Variants in CCKBR observed in about 807,000 individuals in gnomAD.
CCKBR encodes cholecystokinin B receptor, also known as gastrin/cholecystokinin type B receptor.
Under a neutral mutation model 34.6 loss-of-function variants are expected in CCKBR, and 33 were observed. The observed-to-expected ratio is 0.95, with a 90% CI of 0.72 to 1.27. CCKBR has a LOEUF of 1.27. Among genes scored for constraint, CCKBR ranks in the 50% most tolerant of loss-of-function variants. The pLI is 0.00. For synonymous variants in CCKBR, 269 were observed against 267.5 expected (o/e 1.01, Z -0.06); for missense variants, 652 against 617.4 (o/e 1.06, Z -0.59).
chr11:6,271,452 G>T lies in CCKBR; in HGVS notation c.1253G>T (p.Arg418Met). 6.2e-7 allele frequency: 1 copy of T among 1,613,346 alleles called. No individual in the cohort carries two copies. ...CCCCGGCCTCCACGAGCTCGCCCCA[G>T]GGCTCTTCCCGATGAGGACCCTCCC... Reference protein sequence around the residue: ...CCPRPPRARPRALPDEDPPTP... With the variant: ...CCPRPPRARPMALPDEDPPTP... Residue 418 changes from arginine to methionine, a missense_variant, in exon 5 of 5, where the codon AGG becomes ATG. Coordinates refer to ENST00000334619, the MANE Select transcript of CCKBR (RefSeq NM_176875.4).
In CCKBR at chr11:6,271,001, T is replaced by G. The variant is rs767915510; in HGVS notation, c.812-10T>G. The G allele has an allele frequency of 3.1e-6, 5 of 1,613,900 alleles. No individual in the cohort carries two copies. The South Asian group carries it at 5.5e-5, about 18-fold the overall frequency. On this transcript the variant is annotated splice_polypyrimidine_tract_variant and intron_variant, in intron 4 of 4. Transcript: ENST00000334619. Reference sequence around the variant, plus strand: ...GCCTTTTTCTCTGACCGCCCACCCTTTGTGCTCAGGGGCTGTTCACCAGAA... The same window carrying G: ...GCCTTTTTCTCTGACCGCCCACCCTGTGTGCTCAGGGGCTGTTCACCAGAA...
intron 1 of CCKBR, among the ~76,000 whole-genome samples, chr11:6,264,071 G>A (rs60759065): frequency 0.3 from 45,253 of 152,116 alleles, 7,613 homozygotes; most frequent in African/African-American, 0.46. Flanking sequence ...CTATAAGCAT[G>A]TAGATGTTAC....
Position 6,271,661 on chromosome 11 carries a change from C to A in CCKBR, c.*118C>A. 2 of 1,009,754 alleles carry A rather than the reference C, an allele frequency of 2.0e-6. No homozygotes were observed. The highest frequency in any genetic ancestry group is 2.8e-6 in the Non-Finnish European group (2 of 708,038). 62.5% of individuals were successfully genotyped at this position (1,009,754 alleles called of 1,614,324 possible). On this transcript the variant is annotated 3_prime_UTR_variant, in exon 5 of 5. Transcript: ENST00000334619. ...ACCAACACCCAAAGCATGGACTAAC[C>A]CCAACGCACAGGAAAAGGTAGCTTA...
chr11:6,270,391 C>T (rs1218043284), intron 3 of CCKBR, 54 bp downstream of exon 3: 8 of 1,565,544 alleles, frequency 5.1e-6, no homozygotes, highest in Non-Finnish European at 6.9e-6. Context: ...CTATTAGATG[C>T]TTACGACCAT....
chr11:6,267,784 G>A (rs901023718), intron 1 of CCKBR, among the ~76,000 whole-genome samples: 1 of 152,138 alleles, frequency 6.6e-6, no homozygotes, highest in Admixed American at 6.5e-5. Context: ...ATGCTGCAAT[G>A]TTACAATAAC....
In CCKBR at chr11:6,262,718, G is replaced by GAA. The variant is rs765117607; in HGVS notation, c.151+2640_151+2641insAA. On this transcript the variant is annotated intron_variant, in intron 1 of 4. Coordinates refer to ENST00000334619, the MANE Select transcript of CCKBR (RefSeq NM_176875.4). The stretch of plus-strand genomic sequence containing the variant: ...AGAGAGAGAGAGAGAGAGAGAGAGA[G>GAA]AGAGAGAAAGAAAAGCAGGATATTG... 7.6e-3 allele frequency among the ~76,000 whole-genome samples: 1,054 copies of GAA among 138,046 alleles called. 12 individuals carry two copies. The highest frequency in any genetic ancestry group is 0.012 in the Non-Finnish European group (739 of 61,124). The allele number at this position is 138,046 out of a possible 152,430, so 90.6% of individuals were successfully genotyped here. A position where few individuals can be genotyped will look rare whatever the true frequency, so the allele number is the denominator to read the frequency against.
chr11:6,270,399 C>T, intron 3 of CCKBR, 62 bp downstream of exon 3: 3 of 1,550,546 alleles, frequency 1.9e-6, no homozygotes, highest in Non-Finnish European at 2.6e-6. Flanking sequence ...TGCTTACGAC[C>T]ATTGCCCAGA....
chr11:6,259,981 G>GGGCTT lies in CCKBR; in HGVS notation c.54_58dup (p.Ser20TrpfsTer46). ...GTGCAGGGAACCGGACCCGGGCCGG[G>GGGCTT]GGCTTCCCTGTGCCGCCCGGGGGCG... On this transcript the variant is annotated frameshift_variant, in exon 1 of 5. Transcript: ENST00000334619. LOFTEE classifies it high-confidence loss of function. 1 of 1,567,824 alleles carries GGGCTT rather than the reference G, an allele frequency of 6.4e-7. No individual in the cohort carries two copies. The highest frequency in any genetic ancestry group is 8.6e-7 in the Non-Finnish European group (1 of 1,160,384).
chr11:6,264,499 C>T (rs1480480877), intron 1 of CCKBR: 1 of 697,740 alleles, frequency 1.4e-6, no homozygotes, highest in South Asian at 1.5e-5. Context: ...ATCTTCTAAA[C>T]ACCAGGAGAA....
At position 6,271,278 on chromosome 11, in the gene CCKBR, G is replaced by A; in HGVS notation, c.1079G>A (p.Gly360Asp). 2.5e-6 allele frequency: 4 copies of A among 1,614,224 alleles called. No individual in the cohort carries two copies. The highest frequency in any genetic ancestry group is 2.5e-6 in the Non-Finnish European group (3 of 1,180,034). The change falls in exon 5 of 5, where the codon GGC becomes GAC. Residue 360 changes from glycine to aspartate, a missense_variant. Physicochemically the swap from Gly to Asp is moderately conservative, Grantham distance 94. Coordinates refer to ENST00000334619, the MANE Select transcript of CCKBR (RefSeq NM_176875.4). The part of the protein sequence containing the change: ...YSANTWRAFD[G>D]PGAHRALSGA... ...GCCAACACGTGGCGCGCCTTTGATG[G>A]CCCGGGTGCACACCGAGCACTCTCG...
In CCKBR at chr11:6,271,431, G is replaced by A. The variant is rs138829785; in HGVS notation, c.1232G>A (p.Arg411Gln). 5 of 1,613,610 alleles carry A rather than the reference G, an allele frequency of 3.1e-6. No homozygotes were observed. The highest frequency in any genetic ancestry group is 3.3e-5 in the Admixed American group (2 of 60,018). Residue 411 changes from arginine (R) to glutamine (Q), a missense_variant, in exon 5 of 5, where the codon CGG becomes CAG. Arg to Gln is a conservative substitution (Grantham distance 43). Transcript: ENST00000334619. ...CLETCARCCP[R>Q]PPRARPRALP... is the part of the protein sequence containing the mutation. ...GAAACTTGCGCTCGCTGCTGCCCCC[G>A]GCCTCCACGAGCTCGCCCCAGGGCT...
At chr11:6,270,439 A>G in intron 3 of CCKBR, 102 bp downstream of exon 3, 1 of 1,466,438 alleles carries the variant, frequency 6.8e-7, no homozygotes, top group Non-Finnish European at 9.3e-7. Flanking sequence ...GAGAATTACC[A>G]CGCCAACTCC....
In CCKBR at chr11:6,271,361, C is replaced by G; in HGVS notation, c.1162C>G (p.Leu388Val). Residue 388 changes from leucine to valine, a missense_variant, in exon 5 of 5, where the codon CTG becomes GTG. Leu to Val is a conservative substitution (Grantham distance 32). Transcript: ENST00000334619. The part of the protein sequence containing the change: ...LSYASACVNP[L>V]VYCFMHRRFR... ...CTACGCCTCGGCCTGTGTCAACCCC[C>G]TGGTCTACTGCTTCATGCACCGTCG... 1.2e-6 allele frequency: 2 copies of G among 1,614,222 alleles called. No homozygotes were observed. The highest frequency in any genetic ancestry group is 1.7e-6 in the Non-Finnish European group (2 of 1,180,036).
chr11:6,260,772 CCCTAGG>C (rs1564884392), intron 1 of CCKBR, among the ~76,000 whole-genome samples: 3 of 152,222 alleles, frequency 2.0e-5, no homozygotes, highest in Non-Finnish European at 4.4e-5. Context: ...CTCTCTCCAG[CCCTAGG>C]CTAGGTGCTG....
At chr11:6,262,604 G>T (rs868043427) in intron 1 of CCKBR, among the ~76,000 whole-genome samples, 3 of 151,666 alleles carry the variant, frequency 2.0e-5, no homozygotes, top group Non-Finnish European at 2.9e-5. Flanking sequence ...GTAGGTTAAA[G>T]ATTGGACTGG....
intron 1 of CCKBR, among the ~76,000 whole-genome samples, chr11:6,267,100 T>C (rs187023943): frequency 1.3e-5 from 2 of 152,194 alleles, no homozygotes; most frequent in African/African-American, 2.4e-5. Context: ...AAGTCAGTGA[T>C]GAGTGGTGAG....
In CCKBR at chr11:6,271,140, C is replaced by G. The variant is rs201626406; in HGVS notation, c.941C>G (p.Pro314Arg). ...LELTALTAPG[P>R]GSGSRPTQAK... ...CTGACGGCGCTGACGGCTCCTGGGC[C>G]GGGATCCGGCTCCCGGCCCACCCAG... is the stretch of plus-strand genomic sequence containing the variant. Residue 314 changes from proline to arginine, a missense_variant, in exon 5 of 5, where the codon CCG becomes CGG. Coordinates refer to ENST00000334619, the MANE Select transcript of CCKBR (RefSeq NM_176875.4). The G allele has an allele frequency of 6.2e-7, 1 of 1,613,952 alleles. No individual in the cohort carries two copies. The highest frequency in any genetic ancestry group is 1.7e-5 in the Admixed American group (1 of 59,986).
rs776721045 is a variant in CCKBR at position 6,269,776 on chromosome 11, A to C, written c.259A>C (p.Thr87Pro). The stretch of plus-strand genomic sequence containing the variant: ...CCTGGGACTGAGCCGCCGCCTGAGG[A>C]CTGTCACCAATGCCTTCCTCCTCTC... ...VVLGLSRRLR[T>P]VTNAFLLSLA... The change falls in exon 2 of 5, where the codon ACT becomes CCT. Residue 87 changes from threonine (T) to proline (P), a missense_variant. Thr to Pro is a conservative substitution (Grantham distance 38). Transcript: ENST00000334619. The C allele has an allele frequency of 6.2e-7, 1 of 1,614,124 alleles. No individual in the cohort carries two copies. Among genetic ancestry groups the C allele is most frequent in the Admixed American group, 1.7e-5 (1 of 60,026 alleles).
intron 1 of CCKBR, chr11:6,264,388 T>G: frequency 3.4e-6 from 2 of 592,848 alleles, no homozygotes; most frequent in Non-Finnish European, 6.0e-6. Context: ...CAGTGTTCTG[T>G]GGAGTTTTTC....
Sources: gnomAD v4.1 joint callset for allele counts (sites outside exome capture counted in the v4.1 genomes callset) on GRCh38, gnomAD v4.1.1 for gene constraint, MANE v1.5 for transcripts, NCBI Gene and HGNC (gene_info 2026-07-23, HGNC 2026-07-21) for gene names.